GSN: variants seen among roughly 807,000 people sequenced by gnomAD.
GSN encodes the protein actin-depolymerizing factor.
GSN carries 56 observed loss-of-function variants against 85.7 expected under a neutral mutation model. The observed-to-expected ratio is 0.65, with a 90% CI of 0.53 to 0.82. The LOEUF is 0.82. GSN is among the 40% of genes least tolerant of loss of function. The pLI is 0.00. For missense variants in GSN, 857 were observed against 979.8 expected (o/e 0.87, Z 1.67); for synonymous variants, 373 against 399.1 (o/e 0.93, Z 0.78).
At chr9:121,224,452 G>A (rs762858446) in intron 4 of GSN, among the ~76,000 whole-genome samples, 92 of 152,098 alleles carry the variant, frequency 6.0e-4, no homozygotes, top group Non-Finnish European at 1.2e-3. Context: ...ATAATTATCA[G>A]TGCCAGAGAT....
At chr9:121,233,960 C>T (rs1189646118) in intron 5 of GSN, among the ~76,000 whole-genome samples, 1 of 152,192 alleles carries the variant, frequency 6.6e-6, no homozygotes, top group Non-Finnish European at 1.5e-5. Context: ...GTTTCTTTCT[C>T]TCACAAAAGT....
chr9:121,291,718 C>T (rs1481541935), intron 2 of GSN, among the ~76,000 whole-genome samples: 4 of 152,186 alleles, frequency 2.6e-5, no homozygotes, highest in South Asian at 4.1e-4. Flanking sequence ...CTGCACCTGG[C>T]CCCCATTGGA....
Position 121,299,273 on chromosome 9 carries a change from G to T in GSN, c.-9-2690G>T, listed in dbSNP as rs1309963850. 1 of 985,022 alleles carries T rather than the reference G, an allele frequency of 1.0e-6. No individual in the cohort carries two copies. Among genetic ancestry groups the T allele is most frequent in the Admixed American group, 6.1e-5 (1 of 16,268 alleles). 61.0% of individuals were successfully genotyped at this position (985,022 alleles called of 1,614,324 possible). ...TCCTGCCGGCTTCACCTGCCCACGG[G>T]AGCCGGGTCCCCTGCCCTGCTGCGG... On this transcript the variant is annotated intron_variant, in intron 2 of 17. Transcript: ENST00000432226. The surrounding 1 kb of genome is among the most constrained non-coding windows in gnomAD (Gnocchi z 4.2).
Position 121,272,765 on chromosome 9 carries a change from G to C in GSN, c.-103+4546G>C, listed in dbSNP as rs373009280. Among the ~76,000 whole-genome samples, 7 of 152,284 alleles carry C rather than the reference G, an allele frequency of 4.6e-5. No homozygotes were observed. In the East Asian group the frequency reaches 1.3e-3, roughly 29 times the overall value. On this transcript the variant is annotated intron_variant, in intron 1 of 17. Transcript: ENST00000432226. ...CTTTTAACAGATCTACGAGGGGAGA[G>C]ATAGTGACTCCATTTTACAGATGAG...
chr9:121,299,731 C>A lies in GSN; in HGVS notation c.-9-2232C>A. 1 of 1,073,142 alleles carries A rather than the reference C, an allele frequency of 9.3e-7. No homozygotes were observed. The highest frequency in any genetic ancestry group is 1.2e-6 in the Non-Finnish European group (1 of 857,028). The allele number at this position is 1,073,142 out of a possible 1,614,324, so 66.5% of individuals were successfully genotyped here. A position where few individuals can be genotyped will look rare whatever the true frequency, so the allele number is the denominator to read the frequency against. ...TGGGAACCCAGATGTCTCCAAGATC[C>A]GAGACAGATCCCCGCCCCGCGCCCT... On this transcript the variant is annotated intron_variant, in intron 2 of 17. Coordinates refer to ENST00000432226, the MANE Select transcript of GSN (RefSeq NM_198252.3). The surrounding 1 kb of genome is among the most constrained non-coding windows in gnomAD (Gnocchi z 4.2).
intron 1 of GSN, among the ~76,000 whole-genome samples, chr9:121,270,501 G>A (rs994602528): frequency 6.6e-6 from 1 of 152,190 alleles, no homozygotes; most frequent in African/African-American, 2.4e-5. Flanking sequence ...CCCAGCTGAA[G>A]GTCTCAGAAC....
In GSN at chr9:121,310,725, C is replaced by G. The variant is rs186654124; in HGVS notation, c.393C>G (p.Asn131Lys). ...VASGFKHVVPNEVVVQRLFQV... is the reference protein window; with the variant it reads ...VASGFKHVVPKEVVVQRLFQV... The stretch of plus-strand genomic sequence containing the variant: ...CAGGATTCAAGCACGTGGTACCCAA[C>G]GAGGTGGTGGTGCAGAGACTCTTCC... The change falls in exon 5 of 18, where the codon AAC (asparagine) becomes AAG (lysine). Residue 131 changes from asparagine to lysine, a missense_variant. Coordinates refer to ENST00000432226, the MANE Select transcript of GSN (RefSeq NM_198252.3). 1 of 1,614,104 alleles carries G rather than the reference C, an allele frequency of 6.2e-7. No individual in the cohort carries two copies. Among genetic ancestry groups the G allele is most frequent in the East Asian group, 2.2e-5 (1 of 44,882 alleles).
At chr9:121,236,792 AC>A (rs1230615240) in intron 5 of GSN, among the ~76,000 whole-genome samples, 2 of 152,220 alleles carry the variant, frequency 1.3e-5, no homozygotes, top group Non-Finnish European at 1.5e-5. Context: ...CACCTGTGCC[AC>A]AACATTACCC....
chr9:121,236,554 A>G (rs544346192), intron 5 of GSN, among the ~76,000 whole-genome samples: 1 of 152,218 alleles, frequency 6.6e-6, no homozygotes, highest in Admixed American at 6.5e-5. Context: ...CATTTTCTAC[A>G]TTAAAATTAT....
chr9:121,304,616 T>C (rs2060215614), intron 4 of GSN, among the ~76,000 whole-genome samples: 1 of 152,222 alleles, frequency 6.6e-6, no homozygotes, highest in Admixed American at 6.5e-5. Context: ...TCAGCAAATA[T>C]TTACTGAGCC....
At chr9:121,250,045 G>T (rs538185999) in intron 6 of GSN, among the ~76,000 whole-genome samples, 1 of 152,218 alleles carries the variant, frequency 6.6e-6, no homozygotes, top group African/African-American at 2.4e-5. Context: ...CCTGAAGCCG[G>T]GATGTAAGTC....
Position 121,261,155 on chromosome 9 carries a change from G to A in GSN, c.-340-3999G>A, listed in dbSNP as rs1039987320. Among the ~76,000 whole-genome samples the A allele has an allele frequency of 2.0e-5, 3 of 152,222 alleles. No homozygotes were observed. Among genetic ancestry groups the A allele is most frequent in the Non-Finnish European group, 2.9e-5 (2 of 68,042 alleles). On this transcript the variant is annotated intron_variant, in intron 6 of 24. Coordinates refer to the GSN transcript ENST00000373823. This position sits in a 1 kb window ranked among gnomAD's most constrained non-coding sequence, Gnocchi z 4.1. ...CCCTCCCATCCCACTGGTGGCCTGCGGGGACAGCTGAATGCCTTCTGGTCC... is the reference window on the plus strand; with the variant it reads ...CCCTCCCATCCCACTGGTGGCCTGCAGGGACAGCTGAATGCCTTCTGGTCC...
Position 121,321,364 on chromosome 9 carries a change from C to T in GSN, c.1288C>T (p.Arg430Cys), listed in dbSNP as rs116185403. 5.0e-3 allele frequency: 8,101 copies of T among 1,613,984 alleles called. 30 individuals are homozygous for T. The highest frequency in any genetic ancestry group is 6.2e-3 in the Non-Finnish European group (7,303 of 1,179,904). ...GDSYIILYNY[R>C]HGGRQGQIIY... is the part of the protein sequence containing the mutation. ...CAGCTACATCATTCTGTACAACTAC[C>T]GCCATGGTGGCCGCCAGGGGCAGAT... Residue 430 changes from arginine to cysteine, a missense_variant, in exon 11 of 18, where the codon CGC becomes TGC. Physicochemically the swap from Arg to Cys is radical, Grantham distance 180. Coordinates refer to ENST00000432226, the MANE Select transcript of GSN (RefSeq NM_198252.3).
intron 1 of GSN, among the ~76,000 whole-genome samples, chr9:121,279,487 G>A (rs1388437969): frequency 1.3e-5 from 2 of 152,062 alleles, no homozygotes; most frequent in East Asian, 1.9e-4. Flanking sequence ...GGGGAGAAGG[G>A]GGGACACTCT....
At chr9:121,311,046 TTTGA>T (rs1589051688) in intron 5 of GSN, 2 of 606,286 alleles carry the variant, frequency 3.3e-6, no homozygotes, top group Non-Finnish European at 5.9e-6. Context: ...GTACTTGGAC[TTTGA>T]TTGACATATA....
At position 121,299,994 on chromosome 9, in the gene GSN, CCCGAGGCGCGGGTGA is replaced by C. The variant is rs1286790910; in HGVS notation, c.-9-1968_-9-1954del. 4 of 1,427,028 alleles carry C rather than the reference CCCGAGGCGCGGGTGA, an allele frequency of 2.8e-6. No homozygotes were observed. Among genetic ancestry groups the C allele is most frequent in the Non-Finnish European group, 3.7e-6 (4 of 1,081,534 alleles). 88.4% of individuals were successfully genotyped at this position (1,427,028 alleles called of 1,614,324 possible). A position where few individuals can be genotyped will look rare whatever the true frequency, so the allele number is the denominator to read the frequency against. ...GGCGGGGGCGCCCCAGGGGCGGGTG[CCCGAGGCGCGGGTGA>C]GTGCCCGGGGGGCCCCGGGGCTCCC... On this transcript the variant is annotated intron_variant, in intron 2 of 17. Coordinates refer to ENST00000432226, the MANE Select transcript of GSN (RefSeq NM_198252.3). The surrounding 1 kb of genome is among the most constrained non-coding windows in gnomAD (Gnocchi z 4.2).
At chr9:121,235,124 TGTCACTGAAA>T (rs2054467923) in intron 5 of GSN, among the ~76,000 whole-genome samples, 2 of 152,214 alleles carry the variant, frequency 1.3e-5, no homozygotes, top group South Asian at 4.1e-4. Context: ...TGCCGTTGGC[TGTCACTGAAA>T]TTCAGCAACT....
chr9:121,229,315 G>A (rs1047709036), intron 4 of GSN, among the ~76,000 whole-genome samples: 1 of 152,178 alleles, frequency 6.6e-6, no homozygotes, highest in African/African-American at 2.4e-5. Flanking sequence ...CCACCTCCTG[G>A]GTTCAAGTGA....
intron 6 of GSN, among the ~76,000 whole-genome samples, chr9:121,258,286 A>C (rs2055008343): frequency 6.6e-6 from 1 of 152,178 alleles, no homozygotes; most frequent in Non-Finnish European, 1.5e-5. Flanking sequence ...AACGTGGTGA[A>C]ACCCTGTCTC....
Sources: gnomAD v4.1 joint callset for allele counts (sites outside exome capture counted in the v4.1 genomes callset) on GRCh38, gnomAD v4.1.1 for gene constraint, Gnocchi (gnomAD v3.1) non-coding constraint, MANE v1.5 for transcripts, NCBI Gene and HGNC (gene_info 2026-07-23, HGNC 2026-07-21) for gene names.